The following FNDC3B variants were observed in gnomAD, a reference collection of about 807,000 sequenced individuals.
FNDC3B encodes the protein fibronectin type III domain containing 3B.
In FNDC3B, 12 loss-of-function variants were observed where a neutral mutation model predicts 151.5. The observed-to-expected ratio is 0.08, with a 90% CI of 0.05 to 0.13. The LOEUF (loss-of-function observed/expected upper bound fraction) is 0.13, where lower values mean the gene tolerates loss of function less well. Among genes scored for constraint, FNDC3B ranks in the 10% least tolerant of loss-of-function variants. The probability of loss-of-function intolerance (pLI) is 1.00; values close to 1 mark genes in which losing one functional copy is unlikely to be tolerated. For synonymous variants in FNDC3B, 528 were observed against 549.0 expected, an observed-to-expected ratio of 0.96 and a Z score of 0.54; for missense variants, 1,214 against 1,505.3, an observed-to-expected ratio of 0.81 and a Z score of 3.20.
At chr3:172,272,586 T>G (rs1436376741) in intron 6 of FNDC3B, among the ~76,000 whole-genome samples, 1 of 152,198 alleles carries the variant, frequency 6.6e-6, no homozygotes, top group African/African-American at 2.4e-5. Flanking sequence ...TTTTAGGGAA[T>G]TTTTAGATTC....
chr3:172,285,279 G>A (rs1055869692), intron 6 of FNDC3B, among the ~76,000 whole-genome samples: 2 of 152,144 alleles, frequency 1.3e-5, no homozygotes, highest in Admixed American at 6.5e-5. Flanking sequence ...GCCCAGGCCA[G>A]CTCTAGCCTT....
intron 6 of FNDC3B, among the ~76,000 whole-genome samples, chr3:172,270,201 A>T (rs759474092): frequency 1.3e-5 from 2 of 152,214 alleles, no homozygotes; most frequent in Non-Finnish European, 2.9e-5. Context: ...GTGCACTTAC[A>T]TAGAGCTTAA....
chr3:172,277,306 C>T (rs555528922), intron 6 of FNDC3B, among the ~76,000 whole-genome samples: 42 of 152,252 alleles, frequency 2.8e-4, no homozygotes, highest in African/African-American at 9.1e-4. Flanking sequence ...TTATTTCTTA[C>T]AGTTCTGAAG....
At chr3:172,200,692 A>G (rs569824196) in intron 3 of FNDC3B, among the ~76,000 whole-genome samples, 1 of 152,224 alleles carries the variant, frequency 6.6e-6, no homozygotes, top group Non-Finnish European at 1.5e-5. Flanking sequence ...TTTGCAACTT[A>G]TGCTGGGTTT....
chr3:172,070,516 C>A (rs1458624402), intron 1 of FNDC3B, among the ~76,000 whole-genome samples: 2 of 152,186 alleles, frequency 1.3e-5, no homozygotes, highest in Middle Eastern at 3.4e-3. Flanking sequence ...AATCGTAAAT[C>A]CTGCTGTCTG....
intron 6 of FNDC3B, among the ~76,000 whole-genome samples, chr3:172,259,969 T>C (rs1162356658): frequency 5.9e-5 from 9 of 152,232 alleles, no homozygotes; most frequent in Non-Finnish European, 1.2e-4. Context: ...TTGAAATGAA[T>C]GTTCACCAGA....
chr3:172,327,144 G>C (rs1211342010), intron 11 of FNDC3B, among the ~76,000 whole-genome samples: 1 of 152,218 alleles, frequency 6.6e-6, no homozygotes, highest in Non-Finnish European at 1.5e-5. Flanking sequence ...AGTAAGCATA[G>C]TGTGTGACAT....
At position 172,335,098 on chromosome 3, in the gene FNDC3B, G is replaced by A. The variant is rs1367598003; in HGVS notation, c.1780+16G>A. The A allele has an allele frequency of 6.6e-7, 1 of 1,518,084 alleles. No homozygotes were observed. The highest frequency in any genetic ancestry group is 2.4e-5 in the Admixed American group (1 of 41,968). The allele number at this position is 1,518,084 out of a possible 1,614,324, so 94.0% of individuals were successfully genotyped here. On this transcript the variant is annotated intron_variant, in intron 15 of 25. Coordinates refer to ENST00000415807, the MANE Select transcript of FNDC3B (RefSeq NM_022763.4). ...GTCAAATGGGGTATGTTTTGCTGCT[G>A]CTGCTACTGTTTTTTTTTTTTTTTT...
At position 172,201,513 on chromosome 3, in the gene FNDC3B, G is replaced by A. The variant is rs189192740; in HGVS notation, c.188-25358G>A. On this transcript the variant is annotated intron_variant, in intron 3 of 25. Coordinates refer to ENST00000415807, the MANE Select transcript of FNDC3B (RefSeq NM_022763.4). Reference sequence around the variant, plus strand: ...TTTGTTCAGTGTGACCTCATGAGAAGTGGTAGCAGTACTGTAAGCTCTAGA... The same window carrying A: ...TTTGTTCAGTGTGACCTCATGAGAAATGGTAGCAGTACTGTAAGCTCTAGA... Among the ~76,000 whole-genome samples the A allele has an allele frequency of 5.9e-5, 9 of 152,350 alleles. No homozygotes were observed. The East Asian group carries it at 1.7e-3, about 29-fold the overall frequency.
At chr3:172,232,550 A>G (rs1726944331) in intron 4 of FNDC3B, among the ~76,000 whole-genome samples, 1 of 152,168 alleles carries the variant, frequency 6.6e-6, no homozygotes, top group Admixed American at 6.5e-5. Context: ...TCTCTGATAT[A>G]GTAGGTTGGG....
Position 172,331,336 on chromosome 3 carries a change from A to G in FNDC3B, c.1554+621A>G, listed in dbSNP as rs149395073. On this transcript the variant is annotated intron_variant, in intron 13 of 25. Transcript: ENST00000415807. ...CGTTGCTTCCACTCACTGTAGTCTT[A>G]TTAGCCTCTAGTCTGTTCTTTTTGT... 2.6e-4 allele frequency among the ~76,000 whole-genome samples: 39 copies of G among 152,084 alleles called. No individual in the cohort carries two copies. In the East Asian group the frequency reaches 3.3e-3, roughly 13 times the overall value.
rs1195281476 is a variant in FNDC3B at position 172,239,853 on chromosome 3, G to GTTT, written c.265-7678_265-7677insTTT. On this transcript the variant is annotated intron_variant, in intron 4 of 25. Transcript: ENST00000415807. ...AAATGTTTTTAGGAGATCCATTTTAGTTCTTTTTTTTTTTTTTTTTTTTTT... is the reference window on the plus strand; with the variant it reads ...AAATGTTTTTAGGAGATCCATTTTAGTTTTTCTTTTTTTTTTTTTTTTTTTTTT... Among the ~76,000 whole-genome samples the GTTT allele has an allele frequency of 6.0e-3, 392 of 65,840 alleles. 20 individuals carry two copies. Among genetic ancestry groups the GTTT allele is most frequent in the African/African-American group, 0.021 (364 of 17,670 alleles). The allele number at this position is 65,840 out of a possible 152,430, so 43.2% of individuals were successfully genotyped here. A position where few individuals can be genotyped will look rare whatever the true frequency, so the allele number is the denominator to read the frequency against.
Position 172,341,196 on chromosome 3 carries a change from C to A in FNDC3B, c.1936C>A (p.Arg646=), listed in dbSNP as rs1733300448. 6.2e-7 allele frequency: 1 copy of A among 1,614,130 alleles called. No individual in the cohort carries two copies. The highest frequency in any genetic ancestry group is 8.5e-7 in the Non-Finnish European group (1 of 1,179,994). ...GAAACCAGGCACTTTGTACAAACTC[C>A]GAGCATGCTGCATCAGTACCGGCGG... ...HLKPGTLYKL[R]ACCISTGGHS... Residue 646 remains arginine (R), a synonymous_variant, in exon 17 of 26, where the codon CGA becomes AGA. Transcript: ENST00000415807.
At chr3:172,361,388 C>T (rs560447421) in intron 22 of FNDC3B, among the ~76,000 whole-genome samples, 2 of 152,200 alleles carry the variant, frequency 1.3e-5, no homozygotes, top group Non-Finnish European at 2.9e-5. Flanking sequence ...TTAGAAGCAG[C>T]CAGGTCACCT....
At chr3:172,105,862 C>T (rs1170087713) in intron 1 of FNDC3B, among the ~76,000 whole-genome samples, 2 of 96,468 alleles carry the variant, frequency 2.1e-5, no homozygotes, top group Admixed American at 1.2e-4. Flanking sequence ...TCATGAAGTA[C>T]GAATTGAGCT....
At chr3:172,144,707 CTTT>C (rs11328556) in intron 3 of FNDC3B, among the ~76,000 whole-genome samples, 1 of 148,970 alleles carries the variant, frequency 6.7e-6, no homozygotes, top group East Asian at 2.0e-4. Context: ...AAAAGGCAAA[CTTT>C]TTTTTTTTTT....
intron 1 of FNDC3B, among the ~76,000 whole-genome samples, chr3:172,062,367 A>G (rs983127826): frequency 4.7e-5 from 7 of 149,124 alleles, no homozygotes; most frequent in African/African-American, 1.7e-4. Context: ...GCTGGAGTGC[A>G]GGGGCATGAT....
intron 3 of FNDC3B, among the ~76,000 whole-genome samples, chr3:172,212,955 A>G (rs1725805204): frequency 6.6e-6 from 1 of 152,056 alleles, no homozygotes; most frequent in Non-Finnish European, 1.5e-5. Flanking sequence ...ACAGTTGGAA[A>G]ACAATTCAGT....
Position 172,111,096 on chromosome 3 carries a change from TA to T in FNDC3B, c.-28-1335del, listed in dbSNP as rs1240844592. ...CCTGGGCAACAGAGTGAGACTCCAT[TA>T]AAAAAAAAAAAAAAAAAAAAGATAG... On this transcript the variant is annotated intron_variant, in intron 1 of 25. Coordinates refer to ENST00000415807, the MANE Select transcript of FNDC3B (RefSeq NM_022763.4). 8.2e-3 allele frequency among the ~76,000 whole-genome samples: 857 copies of T among 104,756 alleles called. 4 individuals are homozygous for T. The highest frequency in any genetic ancestry group is 0.01 in the African/African-American group (276 of 26,822). The allele number at this position is 104,756 out of a possible 152,430, so 68.7% of individuals were successfully genotyped here. A position where few individuals can be genotyped will look rare whatever the true frequency, so the allele number is the denominator to read the frequency against.
Sources: allele counts gnomAD v4.1 joint callset (sites outside exome capture counted in the v4.1 genomes callset), GRCh38; gene constraint gnomAD v4.1.1; transcripts MANE v1.5; gene names NCBI Gene and HGNC (gene_info 2026-07-23, HGNC 2026-07-21).